The following HK1 variants were observed in gnomAD, a reference collection of about 807,000 sequenced individuals.
HK1 encodes hexokinase-1.
Under a neutral mutation model 91.6 loss-of-function variants are expected in HK1, and 28 were observed. That is an observed-to-expected ratio of 0.31 (90% CI 0.23 to 0.42). The LOEUF (loss-of-function observed/expected upper bound fraction) is 0.42. Ranked by LOEUF, HK1 falls within the 10% of genes least tolerant of loss-of-function variation. The probability of loss-of-function intolerance (pLI) is 1.00; values close to 1 mark genes in which losing one functional copy is unlikely to be tolerated. For missense variants in HK1, 770 were observed against 1,219.8 expected (o/e 0.63, Z 5.49); for synonymous variants, 430 against 468.1 (o/e 0.92, Z 1.05).
intron 1 of HK1, among the ~76,000 whole-genome samples, chr10:69,333,360 G>A (rs537665826): frequency 1.3e-5 from 2 of 152,338 alleles, no homozygotes; most frequent in South Asian, 2.1e-4. Flanking sequence ...TGAGACTGGA[G>A]GTCCAGAGGC....
intron 3 of HK1, among the ~76,000 whole-genome samples, chr10:69,292,691 G>C (rs930823721): frequency 9.2e-5 from 14 of 152,132 alleles, no homozygotes. Flanking sequence ...ACAGATAAAG[G>C]GCTGAGGAGG....
At position 69,401,218 on chromosome 10, in the gene HK1, G is replaced by A; in HGVS notation, c.*83G>A. On this transcript the variant is annotated 3_prime_UTR_variant, in exon 18 of 18. Transcript: ENST00000359426. ...CCCTACCCTCCCAGCGAGTTGCGCTGGGAGACGCTGGCGCCAGGGCCTGCC... is the reference window on the plus strand; with the variant it reads ...CCCTACCCTCCCAGCGAGTTGCGCTAGGAGACGCTGGCGCCAGGGCCTGCC... 1 of 1,510,590 alleles carries A rather than the reference G, an allele frequency of 6.6e-7. No homozygotes were observed. Among genetic ancestry groups the A allele is most frequent in the Non-Finnish European group, 9.0e-7 (1 of 1,116,530 alleles). 93.6% of individuals were successfully genotyped at this position (1,510,590 alleles called of 1,614,324 possible).
At chr10:69,326,927 T>C (rs1294209026) in intron 1 of HK1, among the ~76,000 whole-genome samples, 1 of 152,180 alleles carries the variant, frequency 6.6e-6, no homozygotes, top group Admixed American at 6.5e-5. Flanking sequence ...TATATGGTTT[T>C]GATCTTTTGT....
At chr10:69,377,719 A>C (rs1483091274) in intron 8 of HK1, among the ~76,000 whole-genome samples, 1 of 152,222 alleles carries the variant, frequency 6.6e-6, no homozygotes. Context: ...TCATCAACAC[A>C]TTAAAGAAAA....
intron 1 of HK1, among the ~76,000 whole-genome samples, chr10:69,280,213 G>A (rs1844669622): frequency 6.6e-6 from 1 of 152,014 alleles, no homozygotes; most frequent in Non-Finnish European, 1.5e-5. Context: ...CTGGGCTCAC[G>A]CCATTCTCCT....
intron 1 of HK1, among the ~76,000 whole-genome samples, chr10:69,334,718 A>G (rs768827129): frequency 3.1e-4 from 47 of 152,196 alleles, no homozygotes; most frequent in Non-Finnish European, 6.2e-4. Context: ...CCCAGAGGGC[A>G]TGGCTCCTGT....
chr10:69,292,948 C>T (rs920668255), intron 3 of HK1, among the ~76,000 whole-genome samples: 1 of 152,168 alleles, frequency 6.6e-6, no homozygotes, highest in Non-Finnish European at 1.5e-5. Context: ...CCAGGACCCA[C>T]CCTATCCCCT....
At chr10:69,386,757 C>T (rs546137539) in intron 13 of HK1, 11 of 218,928 alleles carry the variant, frequency 5.0e-5, no homozygotes, top group Admixed American at 1.0e-4. Flanking sequence ...ACAGCCTGGG[C>T]GACAGAGCAA....
At chr10:69,292,420 TC>T (rs1339346795) in intron 3 of HK1, 1 of 415,014 alleles carries the variant, frequency 2.4e-6, no homozygotes, top group East Asian at 8.3e-5. Flanking sequence ...GGAAAGATCA[TC>T]CCTGCCCTCC....
intron 12 of HK1, 22 bp downstream of exon 12, chr10:69,384,937 T>G (rs1480750677): frequency 6.2e-7 from 1 of 1,613,918 alleles, no homozygotes; most frequent in African/African-American, 1.3e-5. Context: ...TTCTTAGGGC[T>G]CAGTGATCGG....
At chr10:69,276,116 A>ATATATATATATATATATATAT (rs1369009775) in intron 1 of HK1, among the ~76,000 whole-genome samples, 1 of 42,558 alleles carries the variant, frequency 2.3e-5, no homozygotes, top group African/African-American at 7.1e-5. Context: ...AAAAAAAAAA[A>ATATATATATATATATATATAT]AAATACATAT....
intron 5 of HK1, among the ~76,000 whole-genome samples, 160 bp downstream of exon 5, chr10:69,368,791 G>A (rs1176144087): frequency 6.6e-6 from 1 of 152,118 alleles, no homozygotes; most frequent in African/African-American, 2.4e-5. Flanking sequence ...TGATGAGGAT[G>A]GGGATGGTGC....
At chr10:69,314,611 T>A (rs988233976), upstream of HK1, among the ~76,000 whole-genome samples, 3 of 152,074 alleles carry the variant, frequency 2.0e-5, no homozygotes, top group African/African-American at 7.2e-5. Flanking sequence ...AATCCCAGCA[T>A]TTTTTTCTTT....
intron 2 of HK1, among the ~76,000 whole-genome samples, chr10:69,349,112 A>T (rs1848713532): frequency 6.6e-6 from 1 of 152,206 alleles, no homozygotes; most frequent in South Asian, 2.1e-4. Flanking sequence ...AAGGTTTGAG[A>T]CCAAAGATTG....
At chr10:69,346,903 G>C (rs1182720433) in intron 2 of HK1, among the ~76,000 whole-genome samples, 1 of 152,110 alleles carries the variant, frequency 6.6e-6, no homozygotes, top group Non-Finnish European at 1.5e-5. Context: ...CTGAATGTTG[G>C]CTGAAAAATC....
Position 69,348,116 on chromosome 10 carries a change from A to G in HK1, c.226+4127A>G, listed in dbSNP as rs193260855. On this transcript the variant is annotated intron_variant, in intron 2 of 17. Coordinates refer to ENST00000359426, the MANE Select transcript of HK1 (RefSeq NM_000188.3). ...ATTAGAGTGTAAGCTTTTGGAGGCT[A>G]AATAGGAATCGATACTTCTTGGTTT... Among the ~76,000 whole-genome samples the G allele has an allele frequency of 1.3e-3, 198 of 152,310 alleles. 1 individual carries two copies. The highest frequency in any genetic ancestry group is 4.6e-3 in the African/African-American group (192 of 41,554).
rs186394705 is a variant in HK1, at chr10:69,378,467, A to G, written c.1031+1378A>G. On this transcript the variant is annotated intron_variant, in intron 8 of 17. Transcript: ENST00000359426. Reference sequence around the variant, plus strand: ...TGTTTTTGTTTTTAAAGAAAAGACGAGAGATAAATTAAAGGTATGAGAATC... The same window carrying G: ...TGTTTTTGTTTTTAAAGAAAAGACGGGAGATAAATTAAAGGTATGAGAATC... Among the ~76,000 whole-genome samples the G allele has an allele frequency of 3.7e-4, 56 of 152,344 alleles. No individual in the cohort carries two copies. The Middle Eastern group carries it at 0.01, about 28-fold the overall frequency.
intron 1 of HK1, among the ~76,000 whole-genome samples, chr10:69,330,065 C>G (rs914839265): frequency 3.3e-5 from 5 of 152,194 alleles, no homozygotes; most frequent in Non-Finnish European, 7.3e-5. Context: ...CTCAATGCTC[C>G]TTGCGATGCC....
At chr10:69,355,390 C>T (rs1589531234) in intron 2 of HK1, among the ~76,000 whole-genome samples, 2 of 152,200 alleles carry the variant, frequency 1.3e-5, no homozygotes, top group East Asian at 3.8e-4. Flanking sequence ...GAAGGAATTT[C>T]ACTGCCAATT....
Sources: gnomAD v4.1 joint callset for allele counts (sites outside exome capture counted in the v4.1 genomes callset) on GRCh38, gnomAD v4.1.1 for gene constraint, MANE v1.5 for transcripts, NCBI Gene and HGNC (gene_info 2026-07-23, HGNC 2026-07-21) for gene names.